Variants in CASS4 observed in about 807,000 individuals in gnomAD.
CASS4 encodes cas scaffolding protein family member 4.
In CASS4, 22 loss-of-function variants were observed where a neutral mutation model predicts 54.2. The ratio of observed to expected loss-of-function variants is 0.41; its 90% CI spans 0.29 to 0.58. The LOEUF (loss-of-function observed/expected upper bound fraction) is 0.58, where lower values mean the gene tolerates loss of function less well. Among genes scored for constraint, CASS4 ranks in the 20% least tolerant of loss-of-function variants. The pLI, the probability that CASS4 is intolerant of heterozygous loss-of-function variation, is 0.36. For synonymous variants in CASS4, 409 were observed against 391.5 expected (o/e 1.04, Z -0.53); for missense variants, 854 against 986.7 (o/e 0.87, Z 1.80).
chr20:56,422,186 T>G (rs1979445384), intron 1 of CASS4, among the ~76,000 whole-genome samples: 1 of 152,190 alleles, frequency 6.6e-6, no homozygotes, highest in South Asian at 2.1e-4. Flanking sequence ...TGGCAAGGAA[T>G]AGACTTGGCG....
Position 56,452,208 on chromosome 20 carries a change from C to T in CASS4, c.1032C>T (p.Asn344=). 1 of 1,614,166 alleles carries T rather than the reference C, an allele frequency of 6.2e-7. No individual in the cohort carries two copies. Among genetic ancestry groups the T allele is most frequent in the South Asian group, 1.1e-5 (1 of 91,086 alleles). Residue 344 remains asparagine, a synonymous_variant, in exon 5 of 6, where the codon AAC becomes AAT. Transcript: ENST00000679887. ...TGATTCCCCGAGTGGAACAGCAGAA[C>T]ACCAAGCCCAATATTTATGACATCC... ...SFLIPRVEQQ[N]TKPNIYDIPK...
At chr20:56,425,905 A>G (rs1600749581) in intron 1 of CASS4, among the ~76,000 whole-genome samples, 1 of 152,374 alleles carries the variant, frequency 6.6e-6, no homozygotes, top group East Asian at 1.9e-4. Flanking sequence ...AAAAGCATCA[A>G]TGCAGACCTA....
chr20:56,418,388 A>G (rs1979247871), intron 1 of CASS4, among the ~76,000 whole-genome samples: 1 of 152,222 alleles, frequency 6.6e-6, no homozygotes, highest in Non-Finnish European at 1.5e-5. Context: ...AGGTGTAAGC[A>G]GGATAACATA....
intron 2 of CASS4, among the ~76,000 whole-genome samples, chr20:56,438,172 A>G (rs1194240065): frequency 6.6e-6 from 1 of 151,984 alleles, no homozygotes; most frequent in Non-Finnish European, 1.5e-5. Flanking sequence ...GTGTAGTCCC[A>G]ACTACTTAGT....
chr20:56,412,486 G>A lies in CASS4; in HGVS notation c.28G>A (p.Ala10Thr), dbSNP rs1206630380. Reference protein sequence around the residue: MKGTGIMDCAPKALLARALY... With the variant: MKGTGIMDCTPKALLARALY... ...GAAGGGAACAGGCATCATGGACTGT[G>A]CGCCCAAGGTGAGTGATGTGGGGCT... Residue 10 changes from alanine (A) to threonine (T), a missense_variant, in exon 1 of 6, where the codon GCG becomes ACG. Transcript: ENST00000679887. This position sits in a 1 kb window ranked among gnomAD's most constrained non-coding sequence, Gnocchi z 4.2. The A allele has an allele frequency of 1.2e-6, 2 of 1,612,562 alleles. No homozygotes were observed. The highest frequency in any genetic ancestry group is 2.2e-5 in the South Asian group (2 of 90,608).
In CASS4 at chr20:56,446,014, CA is replaced by C. The variant is rs748800523; in HGVS notation, c.561+14del. The C allele has an allele frequency of 1.3e-6, 2 of 1,582,916 alleles. No individual in the cohort carries two copies. Among genetic ancestry groups the C allele is most frequent in the South Asian group, 2.2e-5 (2 of 90,442 alleles). ...CGTGGTCCTGAAGGTGAGCCTTGTT[CA>C]GGGGCCCCTCATCACCCAGACCTCT... On this transcript the variant is annotated intron_variant, in intron 3 of 5. Coordinates refer to ENST00000679887, the MANE Select transcript of CASS4 (RefSeq NM_020356.4).
chr20:56,418,773 G>T (rs372852099), intron 1 of CASS4, among the ~76,000 whole-genome samples: 2 of 152,176 alleles, frequency 1.3e-5, no homozygotes, highest in African/African-American at 4.8e-5. Flanking sequence ...TGTGTGTTAC[G>T]TTTGATTCAG....
At chr20:56,423,069 A>G (rs1411812324) in intron 1 of CASS4, among the ~76,000 whole-genome samples, 8 of 152,226 alleles carry the variant, frequency 5.3e-5, no homozygotes, top group Admixed American at 5.2e-4. Context: ...CCAGGAGCTT[A>G]GAGACCCACT....
intron 5 of CASS4, among the ~76,000 whole-genome samples, chr20:56,456,559 G>A (rs1425143657): frequency 2.6e-5 from 4 of 151,924 alleles, no homozygotes; most frequent in Non-Finnish European, 4.4e-5. Flanking sequence ...ATTTTTGGCA[G>A]AGACAGGGAG....
chr20:56,427,373 G>T (rs927033211), intron 1 of CASS4, among the ~76,000 whole-genome samples: 4 of 151,984 alleles, frequency 2.6e-5, no homozygotes, highest in African/African-American at 9.7e-5. Flanking sequence ...TTTTTCTTAC[G>T]CTCTTGGAAA....
chr20:56,435,603 T>C (rs1481497752), intron 1 of CASS4, among the ~76,000 whole-genome samples: 2 of 152,182 alleles, frequency 1.3e-5, no homozygotes, highest in Non-Finnish European at 2.9e-5. Flanking sequence ...ATCACTGCCG[T>C]GGTAACAAGG....
chr20:56,433,717 G>A (rs1980025028), intron 1 of CASS4, among the ~76,000 whole-genome samples: 1 of 152,150 alleles, frequency 6.6e-6, no homozygotes, highest in Non-Finnish European at 1.5e-5. Flanking sequence ...GCTTTTCAAT[G>A]TCATCTCATA....
At chr20:56,438,414 CAA>C (rs1486875611) in intron 2 of CASS4, among the ~76,000 whole-genome samples, 2 of 147,874 alleles carry the variant, frequency 1.4e-5, no homozygotes, top group Admixed American at 6.8e-5. Flanking sequence ...ATAGAAAACT[CAA>C]AGAGGCCTAA....
At chr20:56,446,431 TAC>T (rs900007873) in intron 3 of CASS4, among the ~76,000 whole-genome samples, 6 of 152,102 alleles carry the variant, frequency 3.9e-5, no homozygotes, top group African/African-American at 1.4e-4. Flanking sequence ...TGTGTGTACA[TAC>T]ACACACATTT....
intron 1 of CASS4, among the ~76,000 whole-genome samples, chr20:56,416,560 T>A (rs76611353): frequency 0.025 from 3,739 of 150,912 alleles, 158 homozygotes; most frequent in African/African-American, 0.087. Flanking sequence ...TGTGTGTGTA[T>A]GCACACATGC....
chr20:56,431,857 T>C (rs1401797414), intron 1 of CASS4, among the ~76,000 whole-genome samples: 1 of 152,248 alleles, frequency 6.6e-6, no homozygotes, highest in Admixed American at 6.5e-5. Context: ...TCATGGGAAT[T>C]ACGATGAAAT....
chr20:56,437,211 CG>C lies in CASS4; in HGVS notation c.85del (p.Glu29SerfsTer10). On this transcript the variant is annotated frameshift_variant, in exon 2 of 6. Transcript: ENST00000679887. LOFTEE classifies it high-confidence loss of function. The surrounding 1 kb of genome is among the most constrained non-coding windows in gnomAD (Gnocchi z 4.7). ...LYDNCPDCSD[E>X]LAFSRGDILT... ...ATGACAACTGCCCTGACTGCTCTGA[CG>C]AGCTGGCTTTCAGCAGAGGGGACAT... The C allele has an allele frequency of 6.2e-7, 1 of 1,600,912 alleles. No homozygotes were observed. Among genetic ancestry groups the C allele is most frequent in the Non-Finnish European group, 8.5e-7 (1 of 1,172,114 alleles).
In CASS4 at chr20:56,459,117, C is replaced by G. The variant is rs1015272727; in HGVS notation, c.*370C>G. On this transcript the variant is annotated 3_prime_UTR_variant, in exon 6 of 6. Coordinates refer to ENST00000679887, the MANE Select transcript of CASS4 (RefSeq NM_020356.4). ...ACAGGCTGGAGTGCAGTGGCGCGAT[C>G]TCAGCTCACTGCAACCTCCGCCTTC... 5.6e-6 allele frequency: 1 copy of G among 180,096 alleles called. No homozygotes were observed. Among genetic ancestry groups the G allele is most frequent in the African/African-American group, 2.3e-5 (1 of 42,630 alleles). The allele number at this position is 180,096 out of a possible 1,614,324, so 11.2% of individuals were successfully genotyped here. A position where few individuals can be genotyped will look rare whatever the true frequency, so the allele number is the denominator to read the frequency against.
intron 1 of CASS4, among the ~76,000 whole-genome samples, chr20:56,415,349 G>A (rs138226603): frequency 5.3e-4 from 81 of 151,960 alleles, no homozygotes; most frequent in African/African-American, 1.9e-3. Context: ...ACCCACCCAC[G>A]CAGTACCAGG....
Sources: allele counts gnomAD v4.1 joint callset (sites outside exome capture counted in the v4.1 genomes callset), GRCh38; gene constraint gnomAD v4.1.1; non-coding constraint Gnocchi (gnomAD v3.1); transcripts MANE v1.5; gene names NCBI Gene and HGNC (gene_info 2026-07-23, HGNC 2026-07-21).